WAC: variants seen among roughly 807,000 people sequenced by gnomAD.
WAC encodes WW domain-containing adapter protein with coiled-coil.
WAC carries 11 observed loss-of-function variants against 79.6 expected under a neutral mutation model. The ratio of observed to expected loss-of-function variants is 0.14; its 90% CI spans 0.09 to 0.23. WAC has a LOEUF of 0.23. WAC is among the 10% of genes least tolerant of loss of function. WAC has a pLI of 1.00. For synonymous variants in WAC, 304 were observed against 276.9 expected (o/e 1.10, Z -0.97); for missense variants, 728 against 773.5 (o/e 0.94, Z 0.70).
At chr10:28,610,986 T>C (rs959936780) in intron 9 of WAC, 165 bp downstream of exon 9, 1 of 715,908 alleles carries the variant, frequency 1.4e-6, no homozygotes, top group Non-Finnish European at 2.1e-6. Flanking sequence ...TATACAGTAG[T>C]ATTTTTATTT....
chr10:28,586,953 T>G (rs545043355), intron 4 of WAC, among the ~76,000 whole-genome samples: 22 of 152,308 alleles, frequency 1.4e-4, no homozygotes, highest in African/African-American at 5.1e-4. Flanking sequence ...AAGTATCATC[T>G]GCATACTTTG....
rs552414410 is a variant in WAC, at chr10:28,537,068, T to A, written c.274+1311T>A. Among the ~76,000 whole-genome samples the A allele has an allele frequency of 5.3e-5, 8 of 152,336 alleles. No individual in the cohort carries two copies. The East Asian group carries it at 1.5e-3, about 29-fold the overall frequency. ...GAAACATTGGCTTCCTCTACATAATTACTGGTTTGAGAAAATACAGTCAGA... is the reference window on the plus strand; with the variant it reads ...GAAACATTGGCTTCCTCTACATAATAACTGGTTTGAGAAAATACAGTCAGA... On this transcript the variant is annotated intron_variant, in intron 3 of 13. Coordinates refer to ENST00000354911, the MANE Select transcript of WAC (RefSeq NM_016628.5).
chr10:28,538,684 G>A (rs1404959523), intron 3 of WAC, among the ~76,000 whole-genome samples: 1 of 150,476 alleles, frequency 6.6e-6, no homozygotes, highest in African/African-American at 2.4e-5. Context: ...GAAGCCAGGA[G>A]TTTGAGACTA....
In WAC at chr10:28,533,524, C is replaced by A; in HGVS notation, c.-56C>A. On this transcript the variant is annotated 5_prime_UTR_variant, in exon 1 of 14. Coordinates refer to ENST00000354911, the MANE Select transcript of WAC (RefSeq NM_016628.5). The stretch of plus-strand genomic sequence containing the variant: ...CGCCGCCGCCGCCTGCGCGCCCGCC[C>A]GCCTTTCGCGGCCGCTCTCCCCCCT... 4 of 1,202,186 alleles carry A rather than the reference C, an allele frequency of 3.3e-6. No individual in the cohort carries two copies. The highest frequency in any genetic ancestry group is 2.1e-6 in the Non-Finnish European group (2 of 941,530). The allele number at this position is 1,202,186 out of a possible 1,614,324, so 74.5% of individuals were successfully genotyped here. A position where few individuals can be genotyped will look rare whatever the true frequency, so the allele number is the denominator to read the frequency against.
intron 8 of WAC, among the ~76,000 whole-genome samples, chr10:28,610,134 T>C (rs1057140172): frequency 1.3e-5 from 2 of 152,118 alleles, no homozygotes; most frequent in Middle Eastern, 3.4e-3. Context: ...GGTTTCACTA[T>C]GTTGGGCAGG....
chr10:28,571,689 A>C (rs1267658773), intron 3 of WAC, among the ~76,000 whole-genome samples: 4 of 152,204 alleles, frequency 2.6e-5, no homozygotes, highest in African/African-American at 7.2e-5. Context: ...TTTCAGATTG[A>C]GAGGTGAGTT....
rs1172178787 is a variant in WAC at position 28,611,228 on chromosome 10, A to G, written c.1288+407A>G. 2.3e-6 allele frequency: 3 copies of G among 1,282,388 alleles called. No homozygotes were observed. In the African/African-American group the frequency reaches 4.6e-5, roughly 19 times the overall value. 79.4% of individuals were successfully genotyped at this position (1,282,388 alleles called of 1,614,324 possible). On this transcript the variant is annotated intron_variant, in intron 9 of 13. Coordinates refer to ENST00000354911, the MANE Select transcript of WAC (RefSeq NM_016628.5). ...GATGTTTTTTGACTGGATAATATGG[A>G]AATGCTCATTTTCTGCCTTGAATTA... is the stretch of plus-strand genomic sequence containing the variant.
At chr10:28,554,997 G>A (rs550293274) in intron 3 of WAC, among the ~76,000 whole-genome samples, 16 of 152,284 alleles carry the variant, frequency 1.1e-4, no homozygotes, top group Admixed American at 2.0e-4. Context: ...AATAGTTTAT[G>A]ATGATAGTAT....
chr10:28,593,091 C>T (rs1447418692), intron 6 of WAC, among the ~76,000 whole-genome samples: 1 of 152,158 alleles, frequency 6.6e-6, no homozygotes, highest in Non-Finnish European at 1.5e-5. Context: ...AATGATGAGT[C>T]ATTGTGTCTG....
intron 1 of WAC, 118 bp downstream of exon 1, chr10:28,533,738 G>C: frequency 7.9e-7 from 1 of 1,263,786 alleles, no homozygotes; most frequent in Non-Finnish European, 1.1e-6. Context: ...GATCCGGATC[G>C]GGTTGGGGAG....
At chr10:28,565,605 A>G (rs141091883) in intron 3 of WAC, among the ~76,000 whole-genome samples, 2,417 of 152,278 alleles carry the variant, frequency 0.016, 28 homozygotes, top group Middle Eastern at 0.034. Flanking sequence ...TTATCAAATA[A>G]TATTATTATA....
chr10:28,571,925 AACTT>A (rs1177153393), intron 3 of WAC, among the ~76,000 whole-genome samples: 3 of 152,352 alleles, frequency 2.0e-5, no homozygotes, highest in Admixed American at 6.5e-5. Context: ...ATTTTTATAA[AACTT>A]ACTGTTTTAC....
Position 28,619,691 on chromosome 10 carries a change from A to C in WAC, c.*85A>C. Reference sequence around the variant, plus strand: ...TAACATTTTTGAGCTGCATTTAAGTAGACTTTGGACCGTTAAGCTGGGCAA... The same window carrying C: ...TAACATTTTTGAGCTGCATTTAAGTCGACTTTGGACCGTTAAGCTGGGCAA... On this transcript the variant is annotated 3_prime_UTR_variant, in exon 14 of 14. Coordinates refer to ENST00000354911, the MANE Select transcript of WAC (RefSeq NM_016628.5). The C allele has an allele frequency of 8.3e-7, 1 of 1,198,516 alleles. No individual in the cohort carries two copies. The highest frequency in any genetic ancestry group is 1.2e-6 in the Non-Finnish European group (1 of 867,800). 74.2% of individuals were successfully genotyped at this position (1,198,516 alleles called of 1,614,324 possible). A position where few individuals can be genotyped will look rare whatever the true frequency, so the allele number is the denominator to read the frequency against.
At position 28,590,944 on chromosome 10, in the gene WAC, C is replaced by T. The variant is rs138915688; in HGVS notation, c.610+112C>T. The T allele has an allele frequency of 2.7e-3, 2,377 of 886,624 alleles. 13 individuals are homozygous for T. The highest frequency in any genetic ancestry group is 3.2e-3 in the Admixed American group (114 of 35,458). 54.9% of individuals were successfully genotyped at this position (886,624 alleles called of 1,614,324 possible). ...GTAAATTAAAATAAATAGAAACATA[C>T]GGAGATTCTTTTATGTTGGATTTAT... On this transcript the variant is annotated intron_variant, in intron 6 of 13. Coordinates refer to ENST00000354911, the MANE Select transcript of WAC (RefSeq NM_016628.5).
intron 4 of WAC, among the ~76,000 whole-genome samples, chr10:28,584,086 T>C (rs1249224442): frequency 6.6e-6 from 1 of 152,242 alleles, no homozygotes; most frequent in Non-Finnish European, 1.5e-5. Flanking sequence ...TCACCAGGCA[T>C]ATGCTAAGCT....
intron 7 of WAC, among the ~76,000 whole-genome samples, chr10:28,597,573 G>A (rs139400205): frequency 1.3e-5 from 2 of 151,940 alleles, no homozygotes; most frequent in East Asian, 3.9e-4. Flanking sequence ...CCTCTGTTTG[G>A]TTCTTTTTCT....
intron 3 of WAC, among the ~76,000 whole-genome samples, chr10:28,555,132 C>T (rs1837910598): frequency 6.6e-6 from 1 of 152,132 alleles, no homozygotes; most frequent in Non-Finnish European, 1.5e-5. Flanking sequence ...GAGCCTCCTC[C>T]TTAACCGGTC....
chr10:28,599,330 A>G (rs138510053), intron 7 of WAC, among the ~76,000 whole-genome samples: 159 of 152,338 alleles, frequency 1.0e-3, no homozygotes, highest in Non-Finnish European at 1.6e-3. Flanking sequence ...GATGCTGTGT[A>G]TAAGAGCAGA....
At chr10:28,570,056 T>C (rs1204862573) in intron 3 of WAC, among the ~76,000 whole-genome samples, 1 of 152,206 alleles carries the variant, frequency 6.6e-6, no homozygotes, top group Non-Finnish European at 1.5e-5. Context: ...TGTGAGCACA[T>C]GTCTCAGCTG....
Sources: gnomAD v4.1 joint callset for allele counts (sites outside exome capture counted in the v4.1 genomes callset) on GRCh38, gnomAD v4.1.1 for gene constraint, MANE v1.5 for transcripts, NCBI Gene and HGNC (gene_info 2026-07-23, HGNC 2026-07-21) for gene names.